Variants in PPP2R1B observed in about 807,000 individuals in gnomAD.
PPP2R1B encodes the protein protein phosphatase 2 scaffold subunit Abeta, also known as serine/threonine-protein phosphatase 2A 65 kDa regulatory subunit A beta isoform.
In PPP2R1B, 58 loss-of-function variants were observed where a neutral mutation model predicts 72.7. The ratio of observed to expected loss-of-function variants is 0.80; its 90% CI spans 0.65 to 0.99. The LOEUF (loss-of-function observed/expected upper bound fraction) is 0.99, where lower values mean the gene tolerates loss of function less well. PPP2R1B is among the 50% of genes least tolerant of loss of function. The probability of loss-of-function intolerance (pLI) is 0.00; values close to 1 mark genes in which losing one functional copy is unlikely to be tolerated. For missense variants in PPP2R1B, 695 were observed against 733.6 expected (o/e 0.95, Z 0.61); for synonymous variants, 256 against 264.6 (o/e 0.97, Z 0.32).
rs868930088 is a variant in PPP2R1B, at chr11:111,764,883, CT to C, written c.227del (p.Glu76GlyfsTer4). ...GCTGCTCAGCAAGAGCTAATAGTACCTCATCTTCATCATAAATTGTATCTGG... is the reference window on the plus strand; with the variant it reads ...GCTGCTCAGCAAGAGCTAATAGTACCCATCTTCATCATAAATTGTATCTGG... ...FLTDTIYDED[E>X]VLLALAEQLG... On this transcript the variant is annotated frameshift_variant, in exon 3 of 15. Coordinates refer to ENST00000527614, the MANE Select transcript of PPP2R1B (RefSeq NM_002716.5). LOFTEE classifies it high-confidence loss of function. 6.2e-7 allele frequency: 1 copy of C among 1,613,852 alleles called. No homozygotes were observed. The highest frequency in any genetic ancestry group is 8.5e-7 in the Non-Finnish European group (1 of 1,180,014).
chr11:111,725,534 G>C (rs1943938196), downstream of PPP2R1B: 1 of 152,576 alleles, frequency 6.6e-6, no homozygotes, highest in African/African-American at 2.4e-5. Flanking sequence ...TAACATCCAG[G>C]TGTTACAAAG....
chr11:111,742,291 A>G, intron 13 of PPP2R1B, 147 bp from the exon 14 acceptor site: 2 of 808,282 alleles, frequency 2.5e-6, no homozygotes, highest in Non-Finnish European at 3.8e-6. Flanking sequence ...AATAATGTCT[A>G]AAGAAATTCT....
At chr11:111,737,784 C>T (rs1944382194), downstream of PPP2R1B, 17 of 1,312,486 alleles carry the variant, frequency 1.3e-5, no homozygotes, top group Non-Finnish European at 1.6e-5. Context: ...GAAAGCGCCA[C>T]CCCATCGGGC....
Position 111,742,134 on chromosome 11 carries a change from C to G in PPP2R1B, c.1708G>C (p.Gly570Arg), listed in dbSNP as rs777621762. ...TTCTGTAGTACTGGCTTCACTTCTC[C>G]CTGTAAAGCACTGACATTCAAAAGT... ...GPILDTNALQGEVKPVLQKLG... is the reference protein window; with the variant it reads ...GPILDTNALQREVKPVLQKLG... Residue 570 changes from glycine (G) to arginine (R), a missense_variant, in exon 14 of 15, where the codon GGA (glycine) becomes CGA (arginine). Coordinates refer to ENST00000527614, the MANE Select transcript of PPP2R1B (RefSeq NM_002716.5). 1.9e-6 allele frequency: 3 copies of G among 1,612,118 alleles called. No homozygotes were observed. The highest frequency in any genetic ancestry group is 2.5e-6 in the Non-Finnish European group (3 of 1,178,352).
the PPP2R1B span, among the ~76,000 whole-genome samples, chr11:111,715,145 G>C: frequency 5.9e-5 from 9 of 152,358 alleles, no homozygotes; most frequent in South Asian, 1.7e-3. Context: ...GAAGAGCAGT[G>C]CCACGCTGGA....
chr11:111,718,704 A>G, the PPP2R1B span: 1 of 152,232 alleles, frequency 6.6e-6, no homozygotes, highest in Non-Finnish European at 1.5e-5. Context: ...CACCTCTCAC[A>G]TACATGAGCT....
rs1555053231 is a variant in PPP2R1B at position 111,766,348 on chromosome 11, G to C, written c.14C>G (p.Ser5Ter). The change falls in exon 1 of 15, where the codon TCA becomes TGA. Residue 5 changes from serine to a stop codon, truncating the protein, a stop_gained. Coordinates refer to ENST00000527614, the MANE Select transcript of PPP2R1B (RefSeq NM_002716.5). LOFTEE classifies it high-confidence loss of function. Reference sequence around the variant, plus strand: ...TGCTCCTGGGCCGGTCCCGAGCTCTGATGCGCCCGCCATGTTCTTTCTCCT... The same window carrying C: ...TGCTCCTGGGCCGGTCCCGAGCTCTCATGCGCCCGCCATGTTCTTTCTCCT... MAGA[S>*]ELGTGPGAAG... is the part of the protein sequence containing the mutation. 1.2e-6 allele frequency: 2 copies of C among 1,609,164 alleles called. No homozygotes were observed. Among genetic ancestry groups the C allele is most frequent in the South Asian group, 2.2e-5 (2 of 91,014 alleles).
chr11:111,765,389 A>G lies in PPP2R1B; in HGVS notation c.115-5T>C. ...CTTAATACTGTTGAGTCGGAGCTTC[A>G]GAAAAGAAAGTAGAAAGAAGAACAA... is the stretch of plus-strand genomic sequence containing the variant. On this transcript the variant is annotated splice_region_variant and splice_polypyrimidine_tract_variant and intron_variant, in intron 1 of 14. Coordinates refer to ENST00000527614, the MANE Select transcript of PPP2R1B (RefSeq NM_002716.5). The G allele has an allele frequency of 6.2e-7, 1 of 1,602,176 alleles. No homozygotes were observed. The highest frequency in any genetic ancestry group is 1.7e-4 in the Middle Eastern group (1 of 6,032).
Position 111,741,602 on chromosome 11 carries a change from C to T in PPP2R1B, c.1800G>A (p.Leu600=). Residue 600 remains leucine (L), a synonymous_variant, in exon 15 of 15, where the codon TTG becomes TTA. Coordinates refer to ENST00000527614, the MANE Select transcript of PPP2R1B (RefSeq NM_002716.5). ...FAQEAISVLA[L]A ...TTTTCCCTCCTGCTCCTCATTATGC[C>T]AATGCAAGAACTGGAAAATTCCAAA... is the stretch of plus-strand genomic sequence containing the variant. 1 of 1,613,192 alleles carries T rather than the reference C, an allele frequency of 6.2e-7. No individual in the cohort carries two copies. The highest frequency in any genetic ancestry group is 1.7e-5 in the Admixed American group (1 of 59,756).
chr11:111,703,843 G>A, the PPP2R1B span, among the ~76,000 whole-genome samples: 1 of 152,190 alleles, frequency 6.6e-6, no homozygotes. Flanking sequence ...TTTAGATTGT[G>A]AACTGGAGAA....
chr11:111,701,036 T>C, the PPP2R1B span: 1 of 1,611,298 alleles, frequency 6.2e-7, no homozygotes, highest in East Asian at 2.2e-5. This position sits in a 1 kb window ranked among gnomAD's most constrained non-coding sequence, Gnocchi z 4.2. Context: ...GCTGTGTTGT[T>C]AAATGCATCT....
the PPP2R1B span, among the ~76,000 whole-genome samples, chr11:111,709,088 C>T: frequency 3.2e-4 from 48 of 152,334 alleles, no homozygotes; most frequent in Non-Finnish European, 5.0e-4. Flanking sequence ...GCTTAAACAA[C>T]GGAAATTATT....
In PPP2R1B at chr11:111,739,006, A is replaced by G; in HGVS notation, c.*2590T>C. ...ACAACATTACATGTCTGAAGCAATC[A>G]GACAAATCCACACAGAACTGTAGTC... On this transcript the variant is annotated 3_prime_UTR_variant, in exon 15 of 15. Transcript: ENST00000527614. The G allele has an allele frequency of 2.0e-6, 2 of 985,424 alleles. No homozygotes were observed. Among genetic ancestry groups the G allele is most frequent in the African/African-American group, 3.5e-5 (2 of 57,342 alleles). 61.0% of individuals were successfully genotyped at this position (985,424 alleles called of 1,614,324 possible).
At chr11:111,751,018 T>C (rs1461434743) in intron 10 of PPP2R1B, among the ~76,000 whole-genome samples, 9 of 152,302 alleles carry the variant, frequency 5.9e-5, no homozygotes, top group Admixed American at 4.6e-4. Context: ...TTTGTATTTT[T>C]AGTAGAGATG....
In PPP2R1B at chr11:111,738,259, TAAG is replaced by T. The variant is rs1565426916; in HGVS notation, c.*3334_*3336del. The T allele has an allele frequency of 2.0e-6, 2 of 985,148 alleles. No homozygotes were observed. Among genetic ancestry groups the T allele is most frequent in the Non-Finnish European group, 2.4e-6 (2 of 829,948 alleles). The allele number at this position is 985,148 out of a possible 1,614,324, so 61.0% of individuals were successfully genotyped here. A position where few individuals can be genotyped will look rare whatever the true frequency, so the allele number is the denominator to read the frequency against. ...TTCATATCCAAGCAGTGGAGAAAAA[TAAG>T]AAGCTTTACGATAAGAGTGTCACCA... On this transcript the variant is annotated 3_prime_UTR_variant, in exon 15 of 15. Coordinates refer to ENST00000527614, the MANE Select transcript of PPP2R1B (RefSeq NM_002716.5).
chr11:111,752,799 T>C (rs1944958715), intron 9 of PPP2R1B, among the ~76,000 whole-genome samples: 1 of 152,060 alleles, frequency 6.6e-6, no homozygotes, highest in South Asian at 2.1e-4. Flanking sequence ...CCGTCTCTAC[T>C]AAAAATACAA....
the PPP2R1B span, among the ~76,000 whole-genome samples, chr11:111,704,488 C>G: frequency 6.6e-6 from 1 of 152,328 alleles, no homozygotes; most frequent in South Asian, 2.1e-4. Flanking sequence ...TAGTGTCTCT[C>G]AATTTAGCAT....
At chr11:111,727,208 C>T in intron 15 of PPP2R1B, 1 of 662,790 alleles carries the variant, frequency 1.5e-6, no homozygotes, top group East Asian at 2.7e-5. Flanking sequence ...GTTCTCTACA[C>T]CATCCACCTT....
Position 111,740,298 on chromosome 11 carries a change from A to G in PPP2R1B, c.*1298T>C. ...AGTGGCGCGATCTCGGCTCAGTGCAACCTCTACCTCCCAGGTTCAAGCAAT... is the reference window on the plus strand; with the variant it reads ...AGTGGCGCGATCTCGGCTCAGTGCAGCCTCTACCTCCCAGGTTCAAGCAAT... On this transcript the variant is annotated 3_prime_UTR_variant, in exon 15 of 15. Transcript: ENST00000527614. The G allele has an allele frequency of 1.1e-6, 1 of 902,856 alleles. No homozygotes were observed. The highest frequency in any genetic ancestry group is 6.2e-5 in the Admixed American group (1 of 16,158). The allele number at this position is 902,856 out of a possible 1,614,324, so 55.9% of individuals were successfully genotyped here.
Sources: allele counts gnomAD v4.1 joint callset (sites outside exome capture counted in the v4.1 genomes callset), GRCh38; gene constraint gnomAD v4.1.1; non-coding constraint Gnocchi (gnomAD v3.1); transcripts MANE v1.5; gene names NCBI Gene and HGNC (gene_info 2026-07-23, HGNC 2026-07-21).